Variants in RFX2 observed in about 807,000 individuals in gnomAD.
The protein encoded by RFX2 is DNA-binding protein RFX2.
RFX2 carries 20 observed loss-of-function variants against 87.8 expected under a neutral mutation model. That is an observed-to-expected ratio of 0.23 (90% CI 0.16 to 0.33). RFX2 has a LOEUF of 0.33. RFX2 is among the 10% of genes least tolerant of loss of function. RFX2 has a pLI of 1.00. For missense variants in RFX2, 767 were observed against 1,012.3 expected (o/e 0.76, Z 3.29); for synonymous variants, 397 against 431.3 (o/e 0.92, Z 0.98).
chr19:6,033,629 A>AC (rs2086979339), intron 5 of RFX2, among the ~76,000 whole-genome samples: 1 of 151,360 alleles, frequency 6.6e-6, no homozygotes, highest in African/African-American at 2.4e-5. Flanking sequence ...AAAAAAAAAA[A>AC]AAAAAAACCC....
chr19:6,087,838 G>A (rs2087875178), intron 1 of RFX2, among the ~76,000 whole-genome samples: 1 of 152,154 alleles, frequency 6.6e-6, no homozygotes, highest in Non-Finnish European at 1.5e-5. Flanking sequence ...CCCTTCTTAG[G>A]TGGACAGCGT....
rs572331232 is a variant in RFX2 at position 5,994,906 on chromosome 19, C to T, written c.2101G>A (p.Ala701Thr). The change falls in exon 18 of 18, where the codon GCC (alanine) becomes ACC (threonine). Residue 701 changes from alanine to threonine, a missense_variant. By Grantham distance (58) the Ala-to-Thr change is moderately conservative (BLOSUM62 0). Transcript: ENST00000303657. Reference sequence around the variant, plus strand: ...ACCAGGGGCTCACCCAGGCTGCGGGCGTCTGGGCCCGCCTCGCTGCCACGC... The same window carrying T: ...ACCAGGGGCTCACCCAGGCTGCGGGTGTCTGGGCCCGCCTCGCTGCCACGC... ...EQRGSEAGPD[A>T]RSLGEPLVKR... 4.3e-5 allele frequency: 69 copies of T among 1,609,348 alleles called. 1 individual carries two copies. Among genetic ancestry groups the T allele is most frequent in the East Asian group, 1.1e-4 (5 of 44,870 alleles).
chr19:6,075,228 A>G (rs1216086362), intron 1 of RFX2, among the ~76,000 whole-genome samples: 1 of 152,004 alleles, frequency 6.6e-6, no homozygotes. Flanking sequence ...ACAGATTAAG[A>G]CAGGAGGAGA....
chr19:6,070,231 G>GATGGGATGGGATGTGGATGGGATGGA lies in RFX2; in HGVS notation c.-8-22753_-8-22728dup, dbSNP rs1568533781. Among the ~76,000 whole-genome samples, 10 of 3,718 alleles carry GATGGGATGGGATGTGGATGGGATGGA rather than the reference G, an allele frequency of 2.7e-3. 1 individual carries two copies. Among genetic ancestry groups the GATGGGATGGGATGTGGATGGGATGGA allele is most frequent in the Non-Finnish European group, 3.0e-3 (6 of 1,970 alleles). 2.4% of individuals were successfully genotyped at this position (3,718 alleles called of 152,430 possible). On this transcript the variant is annotated intron_variant, in intron 1 of 17. Transcript: ENST00000303657. ...GATGGGATGGGATGGGATGGGATGG[G>GATGGGATGGGATGTGGATGGGATGGA]ATGGGATGGGATGTGGATGGGATGG...
Position 6,039,855 on chromosome 19 carries a change from G to T in RFX2, c.522+125C>A. On this transcript the variant is annotated intron_variant, in intron 5 of 17. Coordinates refer to ENST00000303657, the MANE Select transcript of RFX2 (RefSeq NM_000635.4). This position sits in a 1 kb window ranked among gnomAD's most constrained non-coding sequence, Gnocchi z 5.2. ...GCTGGCCCGACTCCATCGTGGGGCC[G>T]CCTGGGCCCAGAGCAGACGACAGCC... The T allele has an allele frequency of 2.5e-6, 3 of 1,188,080 alleles. No individual in the cohort carries two copies. The highest frequency in any genetic ancestry group is 3.4e-6 in the Non-Finnish European group (3 of 879,426). The allele number at this position is 1,188,080 out of a possible 1,614,324, so 73.6% of individuals were successfully genotyped here. A position where few individuals can be genotyped will look rare whatever the true frequency, so the allele number is the denominator to read the frequency against.
At chr19:6,018,249 C>T (rs1324938335) in intron 6 of RFX2, among the ~76,000 whole-genome samples, 7 of 152,182 alleles carry the variant, frequency 4.6e-5, no homozygotes, top group African/African-American at 7.2e-5. Context: ...GGATTACAGG[C>T]GTGAGCCACC....
At chr19:6,078,097 G>A (rs1276883191) in intron 1 of RFX2, 1 of 152,048 alleles carries the variant, frequency 6.6e-6, no homozygotes, top group East Asian at 1.9e-4. Flanking sequence ...GCCACATAGT[G>A]TGTGATTCTG....
At position 5,999,658 on chromosome 19, in the gene RFX2, C is replaced by T. The variant is rs57451184; in HGVS notation, c.1859+2157G>A. On this transcript the variant is annotated intron_variant, in intron 15 of 17. Transcript: ENST00000303657. The surrounding 1 kb of genome is among the most constrained non-coding windows in gnomAD (Gnocchi z 4.1). ...CAGCATTTAAACAGAAGTGAGGTCCCGGCACTCGGGTAGCGTGCCTGATCA... is the reference window on the plus strand; with the variant it reads ...CAGCATTTAAACAGAAGTGAGGTCCTGGCACTCGGGTAGCGTGCCTGATCA... 5.1e-3 allele frequency among the ~76,000 whole-genome samples: 777 copies of T among 152,188 alleles called. 16 individuals carry two copies. Among genetic ancestry groups the T allele is most frequent in the African/African-American group, 0.018 (739 of 41,508 alleles).
At chr19:6,043,615 G>A (rs1271187833) in intron 3 of RFX2, among the ~76,000 whole-genome samples, 2 of 152,226 alleles carry the variant, frequency 1.3e-5, no homozygotes, top group African/African-American at 2.4e-5. Flanking sequence ...CTGCTTTTGC[G>A]ATACAATGGC....
chr19:6,015,752 C>G (rs999122711), intron 7 of RFX2, among the ~76,000 whole-genome samples: 1 of 152,154 alleles, frequency 6.6e-6, no homozygotes, highest in Admixed American at 6.5e-5. Flanking sequence ...CCTCTTGCCT[C>G]GGCCTCCCAA....
rs773992378 is a variant in RFX2 at position 6,012,526 on chromosome 19, G to A, written c.899+460C>T. 1.3e-5 allele frequency among the ~76,000 whole-genome samples: 2 copies of A among 152,060 alleles called. No individual in the cohort carries two copies. Among genetic ancestry groups the A allele is most frequent in the Non-Finnish European group, 1.5e-5 (1 of 68,020 alleles). On this transcript the variant is annotated intron_variant, in intron 8 of 17. Transcript: ENST00000303657. The surrounding 1 kb of genome is among the most constrained non-coding windows in gnomAD (Gnocchi z 4.6). ...TCATTATAGGTTTGTCCAAACTGTC[G>A]AATGTACAACACCAAGAGTGAGCCC... is the stretch of plus-strand genomic sequence containing the variant.
chr19:6,043,040 C>T (rs1291429545), intron 3 of RFX2, among the ~76,000 whole-genome samples: 3 of 152,176 alleles, frequency 2.0e-5, no homozygotes, highest in Non-Finnish European at 4.4e-5. Flanking sequence ...GCATGGTATG[C>T]ACTTGTCCAA....
chr19:6,033,079 C>T (rs1348587922), intron 5 of RFX2, among the ~76,000 whole-genome samples: 3 of 152,150 alleles, frequency 2.0e-5, no homozygotes, highest in African/African-American at 4.8e-5. Context: ...TGTGAGCCAC[C>T]GCGCCCAGCA....
chr19:6,006,869 G>T, intron 12 of RFX2, 143 bp downstream of exon 12: 1 of 871,602 alleles, frequency 1.1e-6, no homozygotes, highest in Non-Finnish European at 1.8e-6. Flanking sequence ...GGGGATCACT[G>T]GCATGAGCCA....
rs372929232 is a variant in RFX2 at position 6,006,996 on chromosome 19, G to T, written c.1402+16C>A. 2 of 1,613,328 alleles carry T rather than the reference G, an allele frequency of 1.2e-6. No homozygotes were observed. The highest frequency in any genetic ancestry group is 2.7e-5 in the African/African-American group (2 of 75,028). Reference sequence around the variant, plus strand: ...AGAGGATGGAGCAGCGCCGGGCGGGGCCGTGGGTCACTTACTGGGGACCGG... The same window carrying T: ...AGAGGATGGAGCAGCGCCGGGCGGGTCCGTGGGTCACTTACTGGGGACCGG... On this transcript the variant is annotated intron_variant, in intron 12 of 17. Coordinates refer to ENST00000303657, the MANE Select transcript of RFX2 (RefSeq NM_000635.4).
Position 6,044,235 on chromosome 19 carries a change from C to T in RFX2, c.138G>A (p.Met46Ile), listed in dbSNP as rs1430392217. Reference sequence around the variant, plus strand: ...GAACTCTGGGGAGGGAGATCGGCTGCATCTGGGCCCCTTTGGGATTGGAGC... The same window carrying T: ...GAACTCTGGGGAGGGAGATCGGCTGTATCTGGGCCCCTTTGGGATTGGAGC... ...AASSNPKGAQMQPISLPRVQQ... is the reference protein window; with the variant it reads ...AASSNPKGAQIQPISLPRVQQ... Residue 46 changes from methionine (M) to isoleucine (I), a missense_variant, in exon 3 of 18, where the codon ATG (methionine) becomes ATA (isoleucine). By Grantham distance (10) the Met-to-Ile change is conservative. Around this residue, in one of 2 missense-constraint regions of RFX2, gnomAD observed 146 missense variants for 139.2 expected, o/e 1.05. Transcript: ENST00000303657. The surrounding 1 kb of genome is among the most constrained non-coding windows in gnomAD (Gnocchi z 5.3). The T allele has an allele frequency of 6.3e-7, 1 of 1,579,386 alleles. No homozygotes were observed. The highest frequency in any genetic ancestry group is 1.8e-5 in the Admixed American group (1 of 54,988).
At chr19:6,060,379 G>T (rs1462431988) in intron 1 of RFX2, among the ~76,000 whole-genome samples, 1 of 152,146 alleles carries the variant, frequency 6.6e-6, no homozygotes, top group Non-Finnish European at 1.5e-5. Context: ...CCTTCCTGAA[G>T]GTTCTAGAGC....
chr19:6,085,114 G>A (rs1389002149), intron 1 of RFX2, among the ~76,000 whole-genome samples: 1 of 152,172 alleles, frequency 6.6e-6, no homozygotes, highest in Non-Finnish European at 1.5e-5. Context: ...GGACACTTGA[G>A]TTGCTGCCAC....
rs2087094651 is a variant in RFX2 at position 6,040,679 on chromosome 19, A to C, written c.261-438T>G. On this transcript the variant is annotated intron_variant, in intron 4 of 17. Coordinates refer to ENST00000303657, the MANE Select transcript of RFX2 (RefSeq NM_000635.4). This position sits in a 1 kb window ranked among gnomAD's most constrained non-coding sequence, Gnocchi z 6.1. ...GAGGCTGAGGTGGGAGGACTGCTTG[A>C]GCCCAGGACTTTGAGGTTACAGTGA... is the stretch of plus-strand genomic sequence containing the variant. 6.6e-6 allele frequency among the ~76,000 whole-genome samples: 1 copy of C among 152,176 alleles called. No homozygotes were observed. The highest frequency in any genetic ancestry group is 2.4e-5 in the African/African-American group (1 of 41,448).
Sources: allele counts gnomAD v4.1 joint callset (sites outside exome capture counted in the v4.1 genomes callset), GRCh38; gene constraint gnomAD v4.1.1; regional missense constraint gnomAD v4.1.1; non-coding constraint Gnocchi (gnomAD v3.1); transcripts MANE v1.5; gene names NCBI Gene and HGNC (gene_info 2026-07-23, HGNC 2026-07-21).